Variants in GPC6 observed in about 807,000 individuals in gnomAD.
GPC6 encodes the protein glypican 6, also known as glypican-6.
In GPC6, 14 loss-of-function variants were observed where a neutral mutation model predicts 55.2. The observed-to-expected ratio is 0.25, with a 90% CI of 0.17 to 0.40. GPC6 has a LOEUF of 0.40. Among genes scored for constraint, GPC6 ranks in the 10% least tolerant of loss-of-function variants. GPC6 has a pLI of 1.00. For missense variants in GPC6, 641 were observed against 708.5 expected (o/e 0.90, Z 1.08); for synonymous variants, 278 against 259.6 (o/e 1.07, Z -0.68).
chr13:94,287,900 A>G (rs1892574527), intron 5 of GPC6, among the ~76,000 whole-genome samples: 1 of 152,182 alleles, frequency 6.6e-6, no homozygotes, highest in Admixed American at 6.5e-5. Context: ...CATGGACAAA[A>G]TTATCTGCAG....
chr13:94,160,373 G>A (rs1267513340), intron 4 of GPC6, among the ~76,000 whole-genome samples: 2 of 152,254 alleles, frequency 1.3e-5, no homozygotes, highest in Non-Finnish European at 2.9e-5. Context: ...GTATCTTATG[G>A]TCTTATATCC....
chr13:93,729,431 T>A (rs1301766778), intron 2 of GPC6, among the ~76,000 whole-genome samples: 1 of 152,144 alleles, frequency 6.6e-6, no homozygotes, highest in Non-Finnish European at 1.5e-5. Flanking sequence ...GCAGTAAACT[T>A]ACATAAAGGT....
rs975959235 is a variant in GPC6 at position 94,099,332 on chromosome 13, T to C, written c.877+71438T>C. On this transcript the variant is annotated intron_variant, in intron 4 of 8. Coordinates refer to ENST00000377047, the MANE Select transcript of GPC6 (RefSeq NM_005708.5). ...AAGAGATATAATGTTGTGTACATTA[T>C]ATGTTCCCTTCTTGATATTTATCAA... 4.6e-5 allele frequency among the ~76,000 whole-genome samples: 7 copies of C among 152,274 alleles called. No homozygotes were observed. The East Asian group carries it at 1.4e-3, about 29-fold the overall frequency.
At chr13:94,309,713 A>G (rs1406097857) in intron 6 of GPC6, among the ~76,000 whole-genome samples, 13 of 152,204 alleles carry the variant, frequency 8.5e-5, no homozygotes, top group Non-Finnish European at 1.3e-4. Context: ...AAGCCAACTC[A>G]TCTGAGTCTA....
intron 3 of GPC6, among the ~76,000 whole-genome samples, chr13:93,863,840 G>A (rs192114135): frequency 3.6e-4 from 54 of 151,796 alleles, no homozygotes; most frequent in Non-Finnish European, 6.8e-4. Context: ...TATATATGAT[G>A]TGCATTTGTG....
intron 2 of GPC6, among the ~76,000 whole-genome samples, chr13:93,661,564 TC>T (rs1230810626): frequency 6.6e-6 from 1 of 152,022 alleles, no homozygotes; most frequent in Non-Finnish European, 1.5e-5. Flanking sequence ...CACACAAAGA[TC>T]TCATAACTTA....
intron 2 of GPC6, among the ~76,000 whole-genome samples, chr13:93,820,402 T>C (rs1002815866): frequency 6.6e-6 from 1 of 152,050 alleles, no homozygotes; most frequent in African/African-American, 2.4e-5. Flanking sequence ...AGTAATATAA[T>C]ACAAAGTGAT....
chr13:93,913,121 T>A (rs542333236), intron 3 of GPC6, among the ~76,000 whole-genome samples: 50 of 152,336 alleles, frequency 3.3e-4, no homozygotes, highest in African/African-American at 1.2e-3. Flanking sequence ...TGTCAGGGGT[T>A]AGGACTCGGA....
chr13:93,913,329 A>G (rs1877108539), intron 3 of GPC6, among the ~76,000 whole-genome samples: 1 of 152,160 alleles, frequency 6.6e-6, no homozygotes, highest in Non-Finnish European at 1.5e-5. Context: ...CTTTGCACAG[A>G]GGCCTTGGCT....
chr13:93,928,238 G>A (rs141663156), intron 3 of GPC6, among the ~76,000 whole-genome samples: 1 of 152,208 alleles, frequency 6.6e-6, no homozygotes, highest in East Asian at 1.9e-4. Flanking sequence ...TAATTAAACT[G>A]TATTGTAAAA....
chr13:94,165,141 C>G (rs1188031907), intron 4 of GPC6, among the ~76,000 whole-genome samples: 1 of 151,418 alleles, frequency 6.6e-6, no homozygotes, highest in African/African-American at 2.4e-5. Flanking sequence ...AATATGGAAC[C>G]AGCCCAAATG....
intron 4 of GPC6, among the ~76,000 whole-genome samples, chr13:94,284,777 T>C (rs1892483162): frequency 6.6e-6 from 1 of 152,144 alleles, no homozygotes; most frequent in Non-Finnish European, 1.5e-5. Context: ...ATTCACACTA[T>C]TTAATGATTT....
chr13:93,812,471 A>C (rs1886727747), intron 2 of GPC6, among the ~76,000 whole-genome samples: 1 of 152,166 alleles, frequency 6.6e-6, no homozygotes, highest in Admixed American at 6.5e-5. Context: ...AATTGAGTGA[A>C]GGATATACAG....
At chr13:93,397,199 A>T (rs1875889967) in intron 1 of GPC6, among the ~76,000 whole-genome samples, 1 of 152,206 alleles carries the variant, frequency 6.6e-6, no homozygotes, top group Non-Finnish European at 1.5e-5. Flanking sequence ...TTATTGAGGT[A>T]TAATTCACAT....
Position 93,852,227 on chromosome 13 carries a change from GGA to G in GPC6, c.711+21683_711+21684del, listed in dbSNP as rs374887723. Among the ~76,000 whole-genome samples the G allele has an allele frequency of 8.1e-4, 123 of 151,796 alleles. 1 individual carries two copies. Among genetic ancestry groups the G allele is most frequent in the African/African-American group, 2.9e-3 (121 of 41,460 alleles). On this transcript the variant is annotated intron_variant, in intron 3 of 8. Transcript: ENST00000377047. ...CATTGGCAAACAAAGGAACACACAT[GGA>G]AGTCATCTCAGTTTTTGTTCTTGTC...
chr13:94,266,995 A>G (rs142310058), intron 4 of GPC6, among the ~76,000 whole-genome samples: 136 of 152,330 alleles, frequency 8.9e-4, no homozygotes, highest in African/African-American at 3.0e-3. Context: ...TGCTATTATG[A>G]GCATTATATT....
chr13:94,237,317 T>C (rs1890908708), intron 4 of GPC6, among the ~76,000 whole-genome samples: 1 of 152,176 alleles, frequency 6.6e-6, no homozygotes, highest in Non-Finnish European at 1.5e-5. Flanking sequence ...CTTTCTTTTC[T>C]CCATCCTTCC....
At chr13:93,882,567 A>AT (rs990322380) in intron 3 of GPC6, among the ~76,000 whole-genome samples, 54 of 151,146 alleles carry the variant, frequency 3.6e-4, no homozygotes, top group Admixed American at 9.9e-4. Flanking sequence ...ATCCTGGTTG[A>AT]TTTTTTTTTA....
chr13:94,102,139 C>G (rs950846349), intron 4 of GPC6, among the ~76,000 whole-genome samples: 1 of 152,004 alleles, frequency 6.6e-6, no homozygotes, highest in South Asian at 2.1e-4. Flanking sequence ...TATGAACTGG[C>G]AGCAGGGAAT....
Sources: gnomAD v4.1 joint callset for allele counts (sites outside exome capture counted in the v4.1 genomes callset) on GRCh38, gnomAD v4.1.1 for gene constraint, MANE v1.5 for transcripts, NCBI Gene and HGNC (gene_info 2026-07-23, HGNC 2026-07-21) for gene names.